The following PM20D2 variants were observed in gnomAD, a reference collection of about 807,000 sequenced individuals.
PM20D2 encodes the protein peptidase M20 domain containing 2.
In PM20D2, 33 loss-of-function variants were observed where a neutral mutation model predicts 42.9. The observed-to-expected ratio is 0.77, with a 90% CI of 0.58 to 1.03. The LOEUF is 1.03. PM20D2 is among the 50% of genes least tolerant of loss of function. The pLI is 0.00. For synonymous variants in PM20D2, 250 were observed against 228.2 expected, an observed-to-expected ratio of 1.10 and a Z score of -0.86; for missense variants, 548 against 557.0, an observed-to-expected ratio of 0.98 and a Z score of 0.16.
At chr6:89,098,934 G>A in the PM20D2 span, 8 of 1,612,956 alleles carry the variant, frequency 5.0e-6, no homozygotes, top group African/African-American at 1.3e-5. Flanking sequence ...TAAGAAAATC[G>A]CCTGTGTCGA....
chr6:89,139,148 G>A, the PM20D2 span, among the ~76,000 whole-genome samples: 1 of 151,934 alleles, frequency 6.6e-6, no homozygotes, highest in East Asian at 1.9e-4. Context: ...GGAGTGCAGT[G>A]GCACAATCAT....
At chr6:89,121,289 G>A in the PM20D2 span, among the ~76,000 whole-genome samples, 1 of 152,028 alleles carries the variant, frequency 6.6e-6, no homozygotes, top group African/African-American at 2.4e-5. Flanking sequence ...TTCCAGATAT[G>A]ATTTGAGGCA....
At chr6:89,123,989 T>C in the PM20D2 span, among the ~76,000 whole-genome samples, 1 of 151,278 alleles carries the variant, frequency 6.6e-6, no homozygotes, top group Non-Finnish European at 1.5e-5. Context: ...GTGAGCTGTG[T>C]TCGTGCCACT....
At chr6:89,109,196 G>A in the PM20D2 span, among the ~76,000 whole-genome samples, 2 of 152,056 alleles carry the variant, frequency 1.3e-5, no homozygotes, top group South Asian at 2.1e-4. Flanking sequence ...ACCCCAACCC[G>A]ATGCATTAAT....
chr6:89,124,789 G>A, the PM20D2 span, among the ~76,000 whole-genome samples: 744 of 138,742 alleles, frequency 5.4e-3, 2 homozygotes, highest in African/African-American at 0.018. Flanking sequence ...AGGCTGGAGT[G>A]CAGTGGTGCA....
chr6:89,138,090 T>G, the PM20D2 span, among the ~76,000 whole-genome samples: 10 of 151,474 alleles, frequency 6.6e-5, no homozygotes, highest in African/African-American at 2.2e-4. Flanking sequence ...AATTTTTGCA[T>G]TTGTTGTAGA....
chr6:89,145,967 G>C (rs1303373916), upstream of PM20D2: 2 of 469,838 alleles, frequency 4.3e-6, no homozygotes, highest in Non-Finnish European at 6.9e-6. Flanking sequence ...GCGGCCGCCA[G>C]CGTTTCCCGC....
At chr6:89,136,364 G>A in the PM20D2 span, among the ~76,000 whole-genome samples, 1 of 151,206 alleles carries the variant, frequency 6.6e-6, no homozygotes, top group African/African-American at 2.5e-5. Context: ...ACATCTTCAT[G>A]ATACTTAAAT....
At chr6:89,126,237 A>C in the PM20D2 span, among the ~76,000 whole-genome samples, 1 of 152,108 alleles carries the variant, frequency 6.6e-6, no homozygotes, top group Non-Finnish European at 1.5e-5. Context: ...TCTACAAAAA[A>C]TTAAAAAGTT....
chr6:89,141,255 A>C (rs1770282325), upstream of PM20D2, among the ~76,000 whole-genome samples: 1 of 152,142 alleles, frequency 6.6e-6, no homozygotes, highest in Non-Finnish European at 1.5e-5. Context: ...TCTCTGGAGC[A>C]CCTTCTTCAC....
chr6:89,138,745 G>A, the PM20D2 span, among the ~76,000 whole-genome samples: 1 of 152,082 alleles, frequency 6.6e-6, no homozygotes, highest in African/African-American at 2.4e-5. Context: ...CACTCCTGTA[G>A]TCCCAACTAC....
At chr6:89,154,438 AT>A (rs1171931079) in intron 3 of PM20D2, among the ~76,000 whole-genome samples, 4 of 151,846 alleles carry the variant, frequency 2.6e-5, no homozygotes, top group East Asian at 1.9e-4. Flanking sequence ...GATGTTACTA[AT>A]TTTTTTTGTG....
Position 89,158,437 on chromosome 6 carries a change from A to G in PM20D2, c.1025A>G (p.Asp342Gly), listed in dbSNP as rs201312827. 4.0e-5 allele frequency: 65 copies of G among 1,609,144 alleles called. No homozygotes were observed. The highest frequency in any genetic ancestry group is 5.0e-5 in the Non-Finnish European group (59 of 1,179,050). The part of the protein sequence containing the change: ...RKLGIEFISE[D>G]TMLNGPSGST... ...CTAGGAATAGAGTTCATTTCAGAAG[A>G]TACAATGTTGAATGGCCCTTCAGGT... Residue 342 changes from aspartate to glycine, a missense_variant, in exon 5 of 7, where the codon GAT (aspartate) becomes GGT (glycine). Coordinates refer to ENST00000275072, the MANE Select transcript of PM20D2 (RefSeq NM_001010853.3).
the PM20D2 span, among the ~76,000 whole-genome samples, chr6:89,115,785 C>G: frequency 2.8e-5 from 4 of 141,044 alleles, no homozygotes; most frequent in African/African-American, 1.1e-4. Flanking sequence ...TACAGGCACC[C>G]GCCACCACGC....
At chr6:89,152,106 ATTCAT>A (rs1255978425) in intron 2 of PM20D2, among the ~76,000 whole-genome samples, 1 of 151,496 alleles carries the variant, frequency 6.6e-6, no homozygotes, top group Non-Finnish European at 1.5e-5. Flanking sequence ...AAAAAAAAAA[ATTCAT>A]TTCAAGGTCA....
At chr6:89,142,765 C>T (rs185723635), upstream of PM20D2, among the ~76,000 whole-genome samples, 175 of 152,318 alleles carry the variant, frequency 1.1e-3, no homozygotes, top group African/African-American at 4.0e-3. Flanking sequence ...TCACGCCATT[C>T]TCCTGCCTCA....
intron 5 of PM20D2, among the ~76,000 whole-genome samples, chr6:89,159,716 T>C (rs1771170306): frequency 6.6e-6 from 1 of 152,190 alleles, no homozygotes; most frequent in Non-Finnish European, 1.5e-5. Flanking sequence ...TTCAGAGACT[T>C]TCCCTCTAGG....
chr6:89,120,354 A>T, the PM20D2 span, among the ~76,000 whole-genome samples: 6 of 152,204 alleles, frequency 3.9e-5, no homozygotes, highest in African/African-American at 1.4e-4. Context: ...ATCTGCAAAG[A>T]TTCTTTTTCC....
At chr6:89,117,849 G>A in the PM20D2 span, 6 of 1,560,508 alleles carry the variant, frequency 3.8e-6, no homozygotes, top group Non-Finnish European at 5.2e-6. Flanking sequence ...CGTTCCTGAT[G>A]AACAGGGAGG....
Sources: gnomAD v4.1 joint callset for allele counts (sites outside exome capture counted in the v4.1 genomes callset) on GRCh38, gnomAD v4.1.1 for gene constraint, MANE v1.5 for transcripts, NCBI Gene and HGNC (gene_info 2026-07-23, HGNC 2026-07-21) for gene names.